Variants in TMC5 observed in about 807,000 individuals in gnomAD.
TMC5 encodes the protein transmembrane channel like 5.
Under a neutral mutation model 110.5 loss-of-function variants are expected in TMC5, and 86 were observed. The ratio of observed to expected loss-of-function variants is 0.78; its 90% CI spans 0.65 to 0.93. The LOEUF is 0.93. Ranked by LOEUF, TMC5 falls within the 40% of genes least tolerant of loss-of-function variation. The probability of loss-of-function intolerance (pLI) is 0.00; values close to 1 mark genes in which losing one functional copy is unlikely to be tolerated. For synonymous variants in TMC5, 455 were observed against 439.5 expected, an observed-to-expected ratio of 1.04 and a Z score of -0.44; for missense variants, 1,144 against 1,222.8, an observed-to-expected ratio of 0.94 and a Z score of 0.96.
intron 5 of TMC5, among the ~76,000 whole-genome samples, chr16:19,453,613 G>T (rs1237961776): frequency 6.6e-6 from 1 of 150,648 alleles, no homozygotes; most frequent in Non-Finnish European, 1.5e-5. Context: ...GAAGAAAAAA[G>T]AAAAATTAGC....
intron 17 of TMC5, chr16:19,487,743 ATAAATAAATAAATAAT>A (rs1263676547): frequency 5.9e-4 from 83 of 140,210 alleles, no homozygotes; most frequent in African/African-American, 2.3e-3. Flanking sequence ...AAATAAATAA[ATAAATAAATAAATAAT>A]GTAGGTATGG....
chr16:19,457,080 C>A (rs1258625884), intron 5 of TMC5: 1 of 1,403,778 alleles, frequency 7.1e-7, no homozygotes, highest in African/African-American at 1.4e-5. Context: ...TTGTCCACAG[C>A]ATATTTTACT....
At chr16:19,450,405 A>G (rs1160417996) in intron 5 of TMC5, among the ~76,000 whole-genome samples, 2 of 152,214 alleles carry the variant, frequency 1.3e-5, no homozygotes, top group African/African-American at 4.8e-5. Flanking sequence ...GAGTACAGAA[A>G]TCAGGACCTC....
At chr16:19,474,482 G>A (rs913121356) in intron 12 of TMC5, among the ~76,000 whole-genome samples, 2 of 151,994 alleles carry the variant, frequency 1.3e-5, no homozygotes, top group Non-Finnish European at 2.9e-5. Context: ...GAGACCAGGA[G>A]TTCGAGAACA....
At chr16:19,489,098 T>TTGCTCCACAACGCCCTTGCTCCTCTTGG (rs1376176221) in intron 17 of TMC5, among the ~76,000 whole-genome samples, 4 of 152,120 alleles carry the variant, frequency 2.6e-5, no homozygotes, top group Non-Finnish European at 2.9e-5. Context: ...TCTCTCTTCC[T>TTGCTCCACAACGCCCTTGCTCCTCTTGG]CACCAGTTCC....
chr16:19,425,011 G>A (rs1163821434), intron 1 of TMC5, among the ~76,000 whole-genome samples: 3 of 152,144 alleles, frequency 2.0e-5, no homozygotes, highest in African/African-American at 4.8e-5. Flanking sequence ...CGTAACCCAG[G>A]AATTTCCAAG....
At position 19,456,809 on chromosome 16, in the gene TMC5, G is replaced by T. The variant is rs762284454; in HGVS notation, c.1049-3426G>T. On this transcript the variant is annotated intron_variant, in intron 5 of 21. Transcript: ENST00000542583. ...CTCAAATCAGATTTTTCAAGAAAAG[G>T]TGCTGCTAGACTCAAGCATCAACAT... 3.1e-6 allele frequency: 5 copies of T among 1,614,064 alleles called. No homozygotes were observed. In the African/African-American group the frequency reaches 6.7e-5, roughly 22 times the overall value.
rs528432738 is a variant in TMC5, at chr16:19,437,622, A to C, written c.-79-2338A>C. Among the ~76,000 whole-genome samples, 5 of 152,314 alleles carry C rather than the reference A, an allele frequency of 3.3e-5. No homozygotes were observed. The South Asian group carries it at 1.0e-3, about 32-fold the overall frequency. On this transcript the variant is annotated intron_variant, in intron 2 of 21. Coordinates refer to ENST00000542583, the MANE Select transcript of TMC5 (RefSeq NM_001261841.2). Reference sequence around the variant, plus strand: ...TTGTAAAAGTTGGCTGAGCTTTAAAAATGTTCTACTTCCTTATTTCAAAAA... The same window carrying C: ...TTGTAAAAGTTGGCTGAGCTTTAAACATGTTCTACTTCCTTATTTCAAAAA...
intron 1 of TMC5, among the ~76,000 whole-genome samples, chr16:19,428,308 CT>C (rs34374548): frequency 7.3e-3 from 966 of 131,438 alleles, no homozygotes; most frequent in African/African-American, 0.012. Context: ...TTTCCCAATT[CT>C]TTTTTTTTTT....
At chr16:19,453,588 CAAA>C (rs956204210) in intron 5 of TMC5, among the ~76,000 whole-genome samples, 5 of 118,530 alleles carry the variant, frequency 4.2e-5, no homozygotes, top group Admixed American at 8.8e-5. Context: ...GACTCTGTCT[CAAA>C]AAAAAAAAAA....
At chr16:19,471,369 G>A (rs902399549) in intron 10 of TMC5, among the ~76,000 whole-genome samples, 3 of 152,154 alleles carry the variant, frequency 2.0e-5, no homozygotes, top group African/African-American at 7.2e-5. Flanking sequence ...GGAAATTCAG[G>A]TGTGAGCCAC....
chr16:19,491,002 CCTTA>C (rs1210319114), intron 18 of TMC5, among the ~76,000 whole-genome samples: 2 of 130,500 alleles, frequency 1.5e-5, no homozygotes, highest in Non-Finnish European at 3.3e-5. Flanking sequence ...TTCCTTCCTT[CCTTA>C]CTTCTCTCTT....
upstream of TMC5, among the ~76,000 whole-genome samples, chr16:19,416,826 G>GC (rs746058215): frequency 1.3e-5 from 2 of 152,178 alleles, no homozygotes; most frequent in Non-Finnish European, 2.9e-5. Context: ...AGATGCAGTG[G>GC]CTCATGCCTG....
upstream of TMC5, among the ~76,000 whole-genome samples, chr16:19,415,060 TC>T (rs1171845888): frequency 6.6e-6 from 1 of 152,066 alleles, no homozygotes; most frequent in African/African-American, 2.4e-5. Context: ...CTGAAAAGTA[TC>T]TCCCTCCATA....
chr16:19,429,902 G>A (rs2143401165), intron 1 of TMC5, among the ~76,000 whole-genome samples: 1 of 151,812 alleles, frequency 6.6e-6, no homozygotes, highest in African/African-American at 2.4e-5. Context: ...TGTTGCATTA[G>A]GTCCCACCCC....
At chr16:19,478,246 G>A (rs1053659709) in intron 13 of TMC5, among the ~76,000 whole-genome samples, 4 of 152,130 alleles carry the variant, frequency 2.6e-5, no homozygotes, top group African/African-American at 7.2e-5. Context: ...GGATGCCCTG[G>A]GGTTGGAAGT....
chr16:19,431,979 G>C (rs1967205678), intron 2 of TMC5, among the ~76,000 whole-genome samples: 1 of 152,184 alleles, frequency 6.6e-6, no homozygotes, highest in Non-Finnish European at 1.5e-5. Flanking sequence ...AGCTTGGCCT[G>C]ACAATCCTTA....
At position 19,440,523 on chromosome 16, in the gene TMC5, A is replaced by T; in HGVS notation, c.485A>T (p.Asp162Val). 6.2e-7 allele frequency: 1 copy of T among 1,614,138 alleles called. No individual in the cohort carries two copies. The highest frequency in any genetic ancestry group is 8.5e-7 in the Non-Finnish European group (1 of 1,180,018). The change falls in exon 3 of 22, where the codon GAC becomes GTC. Residue 162 changes from aspartate to valine, a missense_variant. Transcript: ENST00000542583. The part of the protein sequence containing the change: ...HPDHFGSLEP[D>V]YPGAQSNSDH... ...GATCATTTTGGCTCCTTAGAACCGG[A>T]CTACCCTGGAGCTCAGAGCAACTCT...
chr16:19,492,445 G>C lies in TMC5; in HGVS notation c.2826+217G>C, dbSNP rs541314353. The C allele has an allele frequency of 1.9e-5, 7 of 370,328 alleles. No homozygotes were observed. The South Asian group carries it at 3.6e-4, about 19-fold the overall frequency. The allele number at this position is 370,328 out of a possible 1,614,324, so 22.9% of individuals were successfully genotyped here. On this transcript the variant is annotated intron_variant, in intron 19 of 21. Transcript: ENST00000542583. ...AGTATTTATTTATTTTAATTATGAT[G>C]ATTATTATTATTATTTTGAGATAGA...
Sources: allele counts gnomAD v4.1 joint callset (sites outside exome capture counted in the v4.1 genomes callset), GRCh38; gene constraint gnomAD v4.1.1; transcripts MANE v1.5; gene names NCBI Gene and HGNC (gene_info 2026-07-23, HGNC 2026-07-21).